The following SMIM7 variants were observed in gnomAD, a reference collection of about 807,000 sequenced individuals.
SMIM7 encodes small integral membrane protein 7.
A neutral mutation model predicts 13.3 loss-of-function variants in SMIM7; 12 were observed. That is an observed-to-expected ratio of 0.90 (90% confidence interval 0.58 to 1.46). SMIM7 has a LOEUF of 1.46. Ranked by LOEUF, SMIM7 falls within the 40% of genes most tolerant of loss-of-function variation. The probability of loss-of-function intolerance (pLI) is 0.00; values close to 1 mark genes in which losing one functional copy is unlikely to be tolerated. For missense variants in SMIM7, 114 were observed against 94.8 expected (o/e 1.20, Z -0.84); for synonymous variants, 36 against 35.8 (o/e 1.01, Z -0.02).
chr19:16,659,966 A>G lies in SMIM7; in HGVS notation c.61T>C (p.Phe21Leu). ...LLMNAGAVLN[F>L]KLKKKDTQGF... ...CGGCCGCGACCTACTCACAGCTTAAAGTTCAGCACCGCCCCGGCATTCATC... is the reference window on the plus strand; with the variant it reads ...CGGCCGCGACCTACTCACAGCTTAAGGTTCAGCACCGCCCCGGCATTCATC... The change falls in exon 2 of 5, where the codon TTT becomes CTT. Residue 21 changes from phenylalanine (F) to leucine (L), a missense_variant. Phe to Leu is a conservative substitution (Grantham distance 22). Transcript: ENST00000487416. 6.2e-7 allele frequency: 1 copy of G among 1,612,892 alleles called. No homozygotes were observed. Among genetic ancestry groups the G allele is most frequent in the Non-Finnish European group, 8.5e-7 (1 of 1,179,612 alleles).
At chr19:16,659,925 G>A (rs939930111) in intron 2 of SMIM7, 34 bp downstream of exon 2, 3 of 1,596,810 alleles carry the variant, frequency 1.9e-6, no homozygotes, top group East Asian at 2.3e-5. Context: ...CGGGTTCCCC[G>A]GATGGAGCCG....
At chr19:16,652,640 C>T (rs1379379817) in intron 4 of SMIM7, 9 of 1,353,202 alleles carry the variant, frequency 6.7e-6, no homozygotes, top group Non-Finnish European at 7.6e-6. Flanking sequence ...CATCACGGTC[C>T]TTGTGATGAG....
At chr19:16,637,237 C>T (rs2086367006) in intron 4 of SMIM7, among the ~76,000 whole-genome samples, 1 of 152,116 alleles carries the variant, frequency 6.6e-6, no homozygotes, top group Admixed American at 6.5e-5. Context: ...GGTCCTTGAT[C>T]AGGTGTGGTG....
downstream of SMIM7, chr19:16,641,603 A>G (rs1186612099): frequency 6.6e-6 from 1 of 152,040 alleles, no homozygotes; most frequent in Non-Finnish European, 1.5e-5. Context: ...CGGTCCCAGT[A>G]CAACTTTTTC....
At chr19:16,658,323 T>C (rs889981842) in intron 3 of SMIM7, among the ~76,000 whole-genome samples, 4 of 152,222 alleles carry the variant, frequency 2.6e-5, no homozygotes, top group Non-Finnish European at 4.4e-5. Context: ...GTAGCCAGCA[T>C]GCGTTAGGTA....
intron 4 of SMIM7, among the ~76,000 whole-genome samples, chr19:16,632,006 A>T (rs1347609889): frequency 1.3e-5 from 2 of 151,648 alleles, no homozygotes; most frequent in Non-Finnish European, 2.9e-5. Flanking sequence ...AGTAGCTGGG[A>T]CTACAGGCGG....
At chr19:16,643,951 T>TA (rs1275729888), downstream of SMIM7, 2 of 152,048 alleles carry the variant, frequency 1.3e-5, no homozygotes, top group Non-Finnish European at 2.9e-5. Context: ...ATGAGAACTG[T>TA]AACACCTCCT....
At chr19:16,656,921 CA>C (rs1465915534) in intron 3 of SMIM7, among the ~76,000 whole-genome samples, 9 of 151,574 alleles carry the variant, frequency 5.9e-5, no homozygotes, top group Admixed American at 5.9e-4. Context: ...AACAAAAAAA[CA>C]AAAAACAGGC....
intron 4 of SMIM7, chr19:16,634,561 G>A (rs2086345002): frequency 6.6e-6 from 1 of 152,128 alleles, no homozygotes; most frequent in Non-Finnish European, 1.5e-5. Flanking sequence ...CGGGTCACTT[G>A]AGCTCAGGAG....
At chr19:16,657,619 G>A (rs1228545495) in intron 3 of SMIM7, among the ~76,000 whole-genome samples, 1 of 152,182 alleles carries the variant, frequency 6.6e-6, no homozygotes, top group African/African-American at 2.4e-5. Flanking sequence ...CTGTAAAATG[G>A]GAAAGTGACC....
chr19:16,632,384 G>C lies in SMIM7; in HGVS notation c.*138-660C>G, dbSNP rs190309725. On this transcript the variant is annotated intron_variant and NMD_transcript_variant, in intron 4 of 4. Coordinates refer to the SMIM7 transcript ENST00000465250. ...AATTTTTTAATCCCATCTTCAAGTAGGGATGGGGATACAGAAAGGTTCCAG... is the reference window on the plus strand; with the variant it reads ...AATTTTTTAATCCCATCTTCAAGTACGGATGGGGATACAGAAAGGTTCCAG... Among the ~76,000 whole-genome samples the C allele has an allele frequency of 2.8e-3, 433 of 152,142 alleles. 1 individual carries two copies. The highest frequency in any genetic ancestry group is 0.01 in the Middle Eastern group (3 of 294).
chr19:16,658,083 T>C (rs2086619845), intron 3 of SMIM7, among the ~76,000 whole-genome samples: 3 of 152,170 alleles, frequency 2.0e-5, no homozygotes, highest in African/African-American at 7.2e-5. Flanking sequence ...CCTTGGGCAG[T>C]GCTCCATCAT....
intron 3 of SMIM7, among the ~76,000 whole-genome samples, chr19:16,657,118 A>C (rs910668216): frequency 1.3e-5 from 2 of 152,150 alleles, no homozygotes; most frequent in Admixed American, 6.6e-5. Flanking sequence ...AGACCTTAGC[A>C]CACTGCCTGG....
At chr19:16,660,030 GC>G (rs1269711745) in intron 1 of SMIM7, 30 bp from the exon 2 acceptor site, 2 of 1,614,052 alleles carry the variant, frequency 1.2e-6, no homozygotes, top group Admixed American at 1.7e-5. Context: ...GTTACTAGGG[GC>G]GCCCCCGCGT....
At chr19:16,653,460 G>A (rs567765748) in intron 4 of SMIM7, among the ~76,000 whole-genome samples, 2 of 152,076 alleles carry the variant, frequency 1.3e-5, no homozygotes, top group Non-Finnish European at 2.9e-5. Context: ...GTGGGCACCT[G>A]TAATCCCAGC....
intron 4 of SMIM7, among the ~76,000 whole-genome samples, chr19:16,639,313 G>A (rs1270692896): frequency 3.3e-5 from 5 of 151,804 alleles, no homozygotes; most frequent in Non-Finnish European, 5.9e-5. Flanking sequence ...TAGTAGAGAC[G>A]GGGTTTCACC....
rs372177899 is a variant in SMIM7, at chr19:16,659,890, G to T, written c.68+69C>A. 3.9e-6 allele frequency: 6 copies of T among 1,544,344 alleles called. No individual in the cohort carries two copies. In the East Asian group the frequency reaches 1.2e-4, roughly 31 times the overall value. On this transcript the variant is annotated intron_variant, in intron 2 of 4. Coordinates refer to ENST00000487416, the MANE Select transcript of SMIM7 (RefSeq NM_024104.4). ...GGGCGGGGCCTGAGAAGTGCGCCGA[G>T]ATCACGCTTATGAGGGCGGGGCTAC...
In SMIM7 at chr19:16,635,899, AAT is replaced by A. The variant is rs1170352437; in HGVS notation, c.*138-4177_*138-4176del. Among the ~76,000 whole-genome samples, 349 of 109,528 alleles carry A rather than the reference AAT, an allele frequency of 3.2e-3. 3 individuals are homozygous for A. The highest frequency in any genetic ancestry group is 9.1e-3 in the Middle Eastern group (2 of 220). 71.9% of individuals were successfully genotyped at this position (109,528 alleles called of 152,430 possible). ...ACCCTGTCTCAAAAAAAAAAAAAAA[AAT>A]ATATATATATATATATATATATGTA... On this transcript the variant is annotated intron_variant and NMD_transcript_variant, in intron 4 of 4. Transcript: ENST00000465250.
intron 4 of SMIM7, among the ~76,000 whole-genome samples, chr19:16,633,227 T>G (rs1374535495): frequency 6.6e-6 from 1 of 151,084 alleles, no homozygotes; most frequent in Non-Finnish European, 1.5e-5. Flanking sequence ...GAGGCAGAAG[T>G]GGATGGATCA....
Sources: allele counts gnomAD v4.1 joint callset (sites outside exome capture counted in the v4.1 genomes callset), GRCh38; gene constraint gnomAD v4.1.1; transcripts MANE v1.5; gene names NCBI Gene and HGNC (gene_info 2026-07-23, HGNC 2026-07-21).